ANO10: variants seen among roughly 807,000 people sequenced by gnomAD.
ANO10 encodes anoctamin-10.
ANO10 carries 77 observed loss-of-function variants against 74.7 expected under a neutral mutation model. The ratio of observed to expected loss-of-function variants is 1.03; its 90% CI spans 0.86 to 1.25. The LOEUF is 1.25. Among genes scored for constraint, ANO10 ranks in the 50% most tolerant of loss-of-function variants. The pLI is 0.00. For synonymous variants in ANO10, 279 were observed against 284.9 expected (o/e 0.98, Z 0.21); for missense variants, 721 against 778.1 (o/e 0.93, Z 0.87).
At chr3:43,673,043 T>A (rs1198000769) in intron 1 of ANO10, among the ~76,000 whole-genome samples, 1 of 152,232 alleles carries the variant, frequency 6.6e-6, no homozygotes, top group Non-Finnish European at 1.5e-5. Context: ...GTATTTTCAC[T>A]AACTGCTCAT....
intron 11 of ANO10, among the ~76,000 whole-genome samples, chr3:43,451,605 T>G (rs2074876823): frequency 6.8e-6 from 1 of 147,364 alleles, no homozygotes; most frequent in African/African-American, 2.5e-5. Flanking sequence ...TAGGTGGTGG[T>G]GGTTAGGGAT....
rs2079688638 is a variant in ANO10 at position 43,555,333 on chromosome 3, C to A, written c.1613G>T (p.Cys538Phe). The change falls in exon 10 of 13, where the codon TGC becomes TTC. Residue 538 changes from cysteine (C) to phenylalanine (F), a missense_variant. By Grantham distance (205) the Cys-to-Phe change is radical. Transcript: ENST00000292246. ...TGAGAATGGACGTTTGAAGACCCTG[C>A]ACATTTTTAAGGCATCTGAATTTAC... ...TEVNSDALKM[C>F]RVFKRPFSEP... is the part of the protein sequence containing the mutation. 3.1e-6 allele frequency: 5 copies of A among 1,613,996 alleles called. No homozygotes were observed. The highest frequency in any genetic ancestry group is 1.3e-5 in the African/African-American group (1 of 74,892).
chr3:43,470,909 G>A (rs969896452), intron 11 of ANO10, among the ~76,000 whole-genome samples: 2 of 152,072 alleles, frequency 1.3e-5, no homozygotes, highest in African/African-American at 4.8e-5. Context: ...TTACAGGTGT[G>A]CACCACCGCT....
At chr3:43,651,566 CA>C (rs2083787875) in intron 1 of ANO10, among the ~76,000 whole-genome samples, 1 of 152,120 alleles carries the variant, frequency 6.6e-6, no homozygotes, top group African/African-American at 2.4e-5. Flanking sequence ...GCAGTCCTGG[CA>C]AAATCATTTG....
At chr3:43,375,877 G>T (rs1216584264) in intron 12 of ANO10, among the ~76,000 whole-genome samples, 1 of 152,170 alleles carries the variant, frequency 6.6e-6, no homozygotes, top group African/African-American at 2.4e-5. Flanking sequence ...GTTCATTTTT[G>T]TTTGTTTTTA....
intron 12 of ANO10, among the ~76,000 whole-genome samples, chr3:43,402,991 C>T (rs2092510866): frequency 6.6e-6 from 1 of 152,186 alleles, no homozygotes; most frequent in African/African-American, 2.4e-5. Context: ...ATGTTTGCTA[C>T]CCCATCCCAG....
At chr3:43,526,153 G>C (rs1328127971) in intron 11 of ANO10, among the ~76,000 whole-genome samples, 1 of 152,142 alleles carries the variant, frequency 6.6e-6, no homozygotes, top group African/African-American at 2.4e-5. Flanking sequence ...TCTTTAGTCA[G>C]GGACATGACT....
chr3:43,597,634 G>T (rs1333557421), intron 4 of ANO10, among the ~76,000 whole-genome samples: 1 of 152,070 alleles, frequency 6.6e-6, no homozygotes, highest in African/African-American at 2.4e-5. Context: ...ATGGGGGAGG[G>T]ATAGCATTAG....
intron 2 of ANO10, among the ~76,000 whole-genome samples, chr3:43,604,563 A>T (rs2082477652): frequency 6.7e-6 from 1 of 148,326 alleles, no homozygotes; most frequent in South Asian, 2.1e-4. Flanking sequence ...CCATTTTATT[A>T]TTATTGTCAA....
At chr3:43,618,683 T>G (rs2083240689) in intron 1 of ANO10, among the ~76,000 whole-genome samples, 1 of 152,228 alleles carries the variant, frequency 6.6e-6, no homozygotes, top group South Asian at 2.1e-4. Flanking sequence ...TGCCAATTCA[T>G]AGACTAATAA....
upstream of ANO10, among the ~76,000 whole-genome samples, chr3:43,624,501 G>C (rs973348563): frequency 3.3e-5 from 5 of 152,184 alleles, no homozygotes; most frequent in African/African-American, 1.2e-4. Flanking sequence ...TTAAAAGTGT[G>C]TGGCATCTTG....
chr3:43,670,974 T>C (rs532354192), intron 1 of ANO10, among the ~76,000 whole-genome samples: 1 of 152,196 alleles, frequency 6.6e-6, no homozygotes, highest in Non-Finnish European at 1.5e-5. Context: ...GAGCATATGA[T>C]ATACTCAAGC....
intron 11 of ANO10, among the ~76,000 whole-genome samples, chr3:43,487,978 T>G (rs1294430653): frequency 4.6e-5 from 7 of 151,930 alleles, no homozygotes; most frequent in African/African-American, 7.3e-5. Context: ...GAGATATAGA[T>G]CAATGGAACA....
chr3:43,503,736 G>T (rs77900081), intron 11 of ANO10, among the ~76,000 whole-genome samples: 7,358 of 152,272 alleles, frequency 0.048, 202 homozygotes, highest in Non-Finnish European at 0.059. Context: ...TTTATAGGCT[G>T]CCTTGGCTGC....
intron 4 of ANO10, 42 bp from the exon 5 acceptor site, chr3:43,580,514 AGATTGT>A (rs2081220147): frequency 1.2e-6 from 2 of 1,609,498 alleles, no homozygotes; most frequent in Non-Finnish European, 1.7e-6. Flanking sequence ...AATGGACTGG[AGATTGT>A]GCATGATACG....
At chr3:43,645,541 A>G (rs1478963409) in intron 1 of ANO10, among the ~76,000 whole-genome samples, 1 of 152,146 alleles carries the variant, frequency 6.6e-6, no homozygotes. Context: ...TATTAAAGAG[A>G]ATATTCTCTG....
At chr3:43,488,377 C>G (rs1374769440) in intron 11 of ANO10, among the ~76,000 whole-genome samples, 4 of 149,648 alleles carry the variant, frequency 2.7e-5, no homozygotes, top group Non-Finnish European at 4.5e-5. Context: ...TCAGAGTGAA[C>G]AGGCAACCTA....
At chr3:43,660,472 C>G (rs921198801) in intron 1 of ANO10, among the ~76,000 whole-genome samples, 3 of 151,858 alleles carry the variant, frequency 2.0e-5, no homozygotes, top group Admixed American at 6.6e-5. Flanking sequence ...ATAGCCTATT[C>G]GATCAAGCAG....
intron 11 of ANO10, among the ~76,000 whole-genome samples, chr3:43,441,801 C>T (rs747363639): frequency 1.3e-4 from 20 of 151,908 alleles, no homozygotes; most frequent in African/African-American, 4.1e-4. Flanking sequence ...AAAAAAATTA[C>T]GCAGCATGAC....
Sources: allele counts gnomAD v4.1 joint callset (sites outside exome capture counted in the v4.1 genomes callset), GRCh38; gene constraint gnomAD v4.1.1; transcripts MANE v1.5; gene names NCBI Gene and HGNC (gene_info 2026-07-23, HGNC 2026-07-21).